Variants in CBFA2T3 observed in about 807,000 individuals in gnomAD.
CBFA2T3 encodes transcriptional corepressor CBFA2T3.
In CBFA2T3, 31 loss-of-function variants were observed where a neutral mutation model predicts 58.6. The ratio of observed to expected loss-of-function variants is 0.53; its 90% confidence interval spans 0.40 to 0.71. The LOEUF is 0.71. Ranked by LOEUF, CBFA2T3 falls within the 30% of genes least tolerant of loss-of-function variation. CBFA2T3 has a pLI of 0.00. For synonymous variants in CBFA2T3, 531 were observed against 421.9 expected, an observed-to-expected ratio of 1.26 and a Z score of -3.17; for missense variants, 1,076 against 963.1, an observed-to-expected ratio of 1.12 and a Z score of -1.55.
intron 1 of CBFA2T3, among the ~76,000 whole-genome samples, chr16:88,926,756 G>A (rs1172018456): frequency 6.6e-6 from 1 of 152,350 alleles, no homozygotes; most frequent in East Asian, 1.9e-4. Context: ...GGTGTTCACA[G>A]TGGGGGTTGC....
intron 1 of CBFA2T3, among the ~76,000 whole-genome samples, chr16:88,973,881 GCCCGCCTTGCCCGGTCCCCATAACATCT>G (rs374260301): frequency 1.6e-3 from 246 of 149,646 alleles, no homozygotes; most frequent in African/African-American, 5.8e-3. Flanking sequence ...CATAACATCT[GCCCGCCTTGCCCGGTCCCCATAACATCT>G]CCCGCCTTGC....
At chr16:88,918,280 T>C (rs2068096741) in intron 1 of CBFA2T3, among the ~76,000 whole-genome samples, 1 of 152,234 alleles carries the variant, frequency 6.6e-6, no homozygotes, top group Admixed American at 6.5e-5. Flanking sequence ...GGGCCCTCCC[T>C]GATCCCTGCA....
intron 1 of CBFA2T3, among the ~76,000 whole-genome samples, chr16:88,916,165 T>C (rs970652522): frequency 1.3e-5 from 2 of 151,286 alleles, no homozygotes; most frequent in Non-Finnish European, 1.5e-5. Context: ...TGTGTATTCA[T>C]GCGTGTATTC....
rs562729015 is a variant in CBFA2T3 at position 88,928,772 on chromosome 16, T to C, written c.152-27116A>G. 3.7e-3 allele frequency among the ~76,000 whole-genome samples: 563 copies of C among 151,556 alleles called. 3 individuals carry two copies. The highest frequency in any genetic ancestry group is 0.013 in the African/African-American group (539 of 41,274). On this transcript the variant is annotated intron_variant, in intron 1 of 11. Coordinates refer to ENST00000268679, the MANE Select transcript of CBFA2T3 (RefSeq NM_005187.6). Reference sequence around the variant, plus strand: ...AACGTACGAGACCGAGGCTGGGAGGTGTGGTGGTTGGGAGAGGCACGGGTG... The same window carrying C: ...AACGTACGAGACCGAGGCTGGGAGGCGTGGTGGTTGGGAGAGGCACGGGTG...
At chr16:88,924,313 C>G (rs1181222860) in intron 1 of CBFA2T3, among the ~76,000 whole-genome samples, 1 of 152,226 alleles carries the variant, frequency 6.6e-6, no homozygotes, top group Admixed American at 6.5e-5. Context: ...CCTTCAGGAC[C>G]GCTCCAGTCG....
intron 2 of CBFA2T3, among the ~76,000 whole-genome samples, chr16:88,899,226 G>A (rs1010179285): frequency 6.6e-6 from 1 of 152,130 alleles, no homozygotes; most frequent in Non-Finnish European, 1.5e-5. Context: ...GGAGCCTCCC[G>A]GCAGGGCTCT....
intron 1 of CBFA2T3, among the ~76,000 whole-genome samples, chr16:88,959,278 G>T (rs1409295316): frequency 6.6e-6 from 1 of 152,256 alleles, no homozygotes; most frequent in East Asian, 1.9e-4. Context: ...CCGCGGACGG[G>T]TGGTGGGGAC....
chr16:88,974,244 G>A (rs1156512246), intron 1 of CBFA2T3, among the ~76,000 whole-genome samples: 2 of 152,288 alleles, frequency 1.3e-5, no homozygotes, highest in East Asian at 3.9e-4. Flanking sequence ...GTGAGAGCCT[G>A]CACAGCTCCG....
Position 88,915,395 on chromosome 16 carries a change from G to GA in CBFA2T3, c.152-13740_152-13739insT, listed in dbSNP as rs1567604963. 1.3e-3 allele frequency among the ~76,000 whole-genome samples: 104 copies of GA among 79,294 alleles called. 1 individual carries two copies. The highest frequency in any genetic ancestry group is 5.5e-3 in the African/African-American group (99 of 17,884). 52.0% of individuals were successfully genotyped at this position (79,294 alleles called of 152,430 possible). A position where few individuals can be genotyped will look rare whatever the true frequency, so the allele number is the denominator to read the frequency against. On this transcript the variant is annotated intron_variant, in intron 1 of 11. Transcript: ENST00000268679. ...TCAGGAGCTCCACAAGCAGCATGGA[G>GA]GGGGGAGCGTGGAGGGGGGAGCGTG...
rs771957137 is a variant in CBFA2T3 at position 88,881,470 on chromosome 16, T to A, written c.1223A>T (p.Asp408Val). 1 of 1,608,118 alleles carries A rather than the reference T, an allele frequency of 6.2e-7. No individual in the cohort carries two copies. Among genetic ancestry groups the A allele is most frequent in the Non-Finnish European group, 8.5e-7 (1 of 1,177,018 alleles). Residue 408 changes from aspartate (D) to valine (V), a missense_variant, in exon 9 of 12, where the codon GAC becomes GTC. Coordinates refer to ENST00000268679, the MANE Select transcript of CBFA2T3 (RefSeq NM_005187.6). ...HLNNLLNCIMDMVEKTRRSLT... is the reference protein window; with the variant it reads ...HLNNLLNCIMVMVEKTRRSLT... ...CGAGCGCCGCGTCTTCTCCACCATGTCCATGATGCAGTTCAGGAGCTGGGG... is the reference window on the plus strand; with the variant it reads ...CGAGCGCCGCGTCTTCTCCACCATGACCATGATGCAGTTCAGGAGCTGGGG...
In CBFA2T3 at chr16:88,877,210, G is replaced by A. The variant is rs778726630; in HGVS notation, c.1728C>T (p.Cys576=). 15 of 1,555,758 alleles carry A rather than the reference G, an allele frequency of 9.6e-6. No individual in the cohort carries two copies. Among genetic ancestry groups the A allele is most frequent in the Middle Eastern group, 1.8e-4 (1 of 5,710 alleles). Residue 576 remains cysteine, a synonymous_variant, in exon 12 of 12, where the codon TGC becomes TGT. Transcript: ENST00000268679. ...AGTCCCGATGCTGGCAGAAGGACCCGCAGTAGCGTGCCGCGTTGCAGCCGC... is the reference window on the plus strand; with the variant it reads ...AGTCCCGATGCTGGCAGAAGGACCCACAGTAGCGTGCCGCGTTGCAGCCGC... ...TCSGCNAARY[C]GSFCQHRDWE...
chr16:88,925,798 G>A (rs936093730), intron 1 of CBFA2T3, among the ~76,000 whole-genome samples: 6 of 152,214 alleles, frequency 3.9e-5, no homozygotes, highest in African/African-American at 7.2e-5. Context: ...CCTGCTCCCC[G>A]GCGACGGGCT....
At chr16:88,928,873 C>T (rs1232093039) in intron 1 of CBFA2T3, among the ~76,000 whole-genome samples, 5 of 152,146 alleles carry the variant, frequency 3.3e-5, no homozygotes, top group African/African-American at 7.2e-5. Context: ...ACGCAGGCGT[C>T]GGGGGGAGCA....
chr16:88,876,140 G>C lies in CBFA2T3; in HGVS notation c.*836C>G, dbSNP rs1459736607. On this transcript the variant is annotated 3_prime_UTR_variant, in exon 12 of 12. Transcript: ENST00000268679. Reference sequence around the variant, plus strand: ...AACAAATTTTGGATTTTGATTTCTTGTGTTTGCTTTTTTGGATTTCCTTTG... The same window carrying C: ...AACAAATTTTGGATTTTGATTTCTTCTGTTTGCTTTTTTGGATTTCCTTTG... 1 of 232,482 alleles carries C rather than the reference G, an allele frequency of 4.3e-6. No individual in the cohort carries two copies. Among genetic ancestry groups the C allele is most frequent in the African/African-American group, 2.2e-5 (1 of 45,266 alleles). 14.4% of individuals were successfully genotyped at this position (232,482 alleles called of 1,614,324 possible). A position where few individuals can be genotyped will look rare whatever the true frequency, so the allele number is the denominator to read the frequency against.
At chr16:88,969,523 C>T (rs189165685) in intron 1 of CBFA2T3, among the ~76,000 whole-genome samples, 21 of 152,350 alleles carry the variant, frequency 1.4e-4, no homozygotes, top group South Asian at 4.1e-4. Context: ...GCCGCCACCC[C>T]GTTTTACAAA....
rs1359650388 is a variant in CBFA2T3, at chr16:88,958,631, C to T, written c.151+18026G>A. On this transcript the variant is annotated intron_variant, in intron 1 of 11. Transcript: ENST00000268679. The surrounding 1 kb of genome is among the most constrained non-coding windows in gnomAD (Gnocchi z 4.0). Reference sequence around the variant, plus strand: ...GTGGGGGCAGGTGGAGAAGCACAGTCGCCGCCCAGCAGCCCAGCACTACCT... The same window carrying T: ...GTGGGGGCAGGTGGAGAAGCACAGTTGCCGCCCAGCAGCCCAGCACTACCT... Among the ~76,000 whole-genome samples the T allele has an allele frequency of 2.6e-5, 4 of 152,082 alleles. No individual in the cohort carries two copies. The highest frequency in any genetic ancestry group is 4.4e-5 in the Non-Finnish European group (3 of 67,986).
At chr16:88,890,487 A>C (rs1009738265) in intron 5 of CBFA2T3, among the ~76,000 whole-genome samples, 1 of 152,190 alleles carries the variant, frequency 6.6e-6, no homozygotes, top group African/African-American at 2.4e-5. Context: ...GCAGCTCCCA[A>C]CTAAGCTCCA....
At chr16:88,914,922 C>G (rs1352270547) in intron 1 of CBFA2T3, among the ~76,000 whole-genome samples, 1 of 151,928 alleles carries the variant, frequency 6.6e-6, no homozygotes, top group East Asian at 2.0e-4. Flanking sequence ...CAGCAACTCC[C>G]TGAGCGCCCT....
chr16:88,877,078 G>C lies in CBFA2T3; in HGVS notation c.1860C>G (p.Ser620=), dbSNP rs1269501717. The change falls in exon 12 of 12, where the codon TCC becomes TCG. Residue 620 remains serine, a synonymous_variant. Coordinates refer to ENST00000268679, the MANE Select transcript of CBFA2T3 (RefSeq NM_005187.6). ...TGGGGCTGGCAGCACCCACAGGCAGGGAGGGGCCCAGGCTGTGGGCGGCTT... is the reference window on the plus strand; with the variant it reads ...TGGGGCTGGCAGCACCCACAGGCAGCGAGGGGCCCAGGCTGTGGGCGGCTT... ...PPEAAHSLGP[S]LPVGAASPSE... 2.0e-6 allele frequency: 3 copies of C among 1,535,256 alleles called. No homozygotes were observed. Among genetic ancestry groups the C allele is most frequent in the South Asian group, 1.2e-5 (1 of 83,576 alleles).
Sources: allele counts gnomAD v4.1 joint callset (sites outside exome capture counted in the v4.1 genomes callset), GRCh38; gene constraint gnomAD v4.1.1; non-coding constraint Gnocchi (gnomAD v3.1); transcripts MANE v1.5; gene names NCBI Gene and HGNC (gene_info 2026-07-23, HGNC 2026-07-21).